Variants in MPC2 observed in about 807,000 individuals in gnomAD.
MPC2 encodes mitochondrial pyruvate carrier 2.
In MPC2, 19 loss-of-function variants were observed where a neutral mutation model predicts 19.2. That is an observed-to-expected ratio of 0.99 (90% CI 0.69 to 1.45). The LOEUF is 1.45. MPC2 is among the 40% of genes most tolerant of loss of function. The pLI is 0.00. For synonymous variants in MPC2, 61 were observed against 54.3 expected (o/e 1.12, Z -0.54); for missense variants, 122 against 153.0 (o/e 0.80, Z 1.07).
At position 167,917,959 on chromosome 1, in the gene MPC2, C is replaced by T; in HGVS notation, c.*364G>A. 2 of 165,484 alleles carry T rather than the reference C, an allele frequency of 1.2e-5. No individual in the cohort carries two copies. The allele number at this position is 165,484 out of a possible 1,614,324, so 10.3% of individuals were successfully genotyped here. ...TTTCCTTTCACTTATAGCTAGCTAC[C>T]TGACCATCCTACACTAAATAAGCAG... is the stretch of plus-strand genomic sequence containing the variant. On this transcript the variant is annotated 3_prime_UTR_variant, in exon 6 of 6. Coordinates refer to ENST00000271373, the MANE Select transcript of MPC2 (RefSeq NM_001143674.4).
chr1:167,929,575 T>C (rs1210537874), intron 2 of MPC2, among the ~76,000 whole-genome samples: 1 of 152,230 alleles, frequency 6.6e-6, no homozygotes, highest in Non-Finnish European at 1.5e-5. Context: ...ACAAATTTAG[T>C]TGCCTTGAAC....
chr1:167,921,056 T>A (rs1186523055), intron 3 of MPC2, among the ~76,000 whole-genome samples: 1 of 152,218 alleles, frequency 6.6e-6, no homozygotes, highest in Admixed American at 6.6e-5. Flanking sequence ...CTTCCTTTGA[T>A]GTTTTCTGCC....
intron 3 of MPC2, among the ~76,000 whole-genome samples, chr1:167,921,938 T>TTA (rs1670613974): frequency 6.6e-6 from 1 of 152,192 alleles, no homozygotes; most frequent in Non-Finnish European, 1.5e-5. Flanking sequence ...ACTTTGACCT[T>TTA]TATGATTAGT....
At chr1:167,921,906 G>A (rs1670613027) in intron 3 of MPC2, among the ~76,000 whole-genome samples, 1 of 152,028 alleles carries the variant, frequency 6.6e-6, no homozygotes. Flanking sequence ...AGGTACATAG[G>A]TTTTTGTTTT....
At chr1:167,931,460 TTA>T (rs954459482) in intron 2 of MPC2, among the ~76,000 whole-genome samples, 2 of 152,246 alleles carry the variant, frequency 1.3e-5, no homozygotes, top group Admixed American at 1.3e-4. Context: ...TCTATTTTAG[TTA>T]TCTCTTAACT....
rs1670487689 is a variant in MPC2 at position 167,917,595 on chromosome 1, C to G, written c.*728G>C. ...CCTGGGCCACAGAGCGAGACCCTGT[C>G]TCAAAAAAAAAAAAAAAAAAAAAGT... On this transcript the variant is annotated 3_prime_UTR_variant, in exon 6 of 6. Transcript: ENST00000271373. 9.5e-6 allele frequency: 1 copy of G among 105,606 alleles called. No individual in the cohort carries two copies. Among genetic ancestry groups the G allele is most frequent in the South Asian group, 2.9e-4 (1 of 3,404 alleles). 6.5% of individuals were successfully genotyped at this position (105,606 alleles called of 1,614,324 possible). A position where few individuals can be genotyped will look rare whatever the true frequency, so the allele number is the denominator to read the frequency against.
At chr1:167,931,328 T>A (rs1394052328) in intron 2 of MPC2, among the ~76,000 whole-genome samples, 7 of 152,220 alleles carry the variant, frequency 4.6e-5, no homozygotes. Context: ...CAGAACAGTG[T>A]CTAATATACA....
At chr1:167,933,346 T>C (rs1670967991) in intron 2 of MPC2, among the ~76,000 whole-genome samples, 1 of 152,102 alleles carries the variant, frequency 6.6e-6, no homozygotes, top group Non-Finnish European at 1.5e-5. Flanking sequence ...TTTTGTATTT[T>C]AGTAGAGATA....
intron 1 of MPC2, 110 bp from the exon 2 acceptor site, chr1:167,936,008 T>G (rs1027195140): frequency 1.6e-6 from 1 of 620,072 alleles, no homozygotes; most frequent in African/African-American, 1.8e-5. Context: ...ACCGAAAAGC[T>G]GCGGCCCGCG....
At chr1:167,933,703 A>G (rs1465001692) in intron 2 of MPC2, among the ~76,000 whole-genome samples, 1 of 152,254 alleles carries the variant, frequency 6.6e-6, no homozygotes, top group African/African-American at 2.4e-5. Context: ...TAAACTCTTA[A>G]GACAATAATC....
chr1:167,920,472 A>G (rs1670572471), intron 4 of MPC2, 75 bp downstream of exon 4: 1 of 1,464,460 alleles, frequency 6.8e-7, no homozygotes. Flanking sequence ...CTAAGCCACT[A>G]AATAAACTGA....
intron 2 of MPC2, among the ~76,000 whole-genome samples, chr1:167,925,538 T>C (rs1422304407): frequency 6.9e-6 from 1 of 144,922 alleles, no homozygotes; most frequent in Non-Finnish European, 1.5e-5. Context: ...TTTTTGGTTT[T>C]TTTTTTGGTT....
intron 2 of MPC2, among the ~76,000 whole-genome samples, chr1:167,932,558 C>T (rs1670939622): frequency 6.6e-6 from 1 of 151,886 alleles, no homozygotes; most frequent in Admixed American, 6.6e-5. Context: ...CCTGTAATCC[C>T]AGCACTTTGG....
chr1:167,935,726 C>T lies in MPC2; in HGVS notation c.109+7G>A, dbSNP rs1030949231. ...GTCTCGATAAGGAGCCATTCAGGGT[C>T]CATTACCTGCTGGATGGTTGTACAA... is the stretch of plus-strand genomic sequence containing the variant. On this transcript the variant is annotated splice_region_variant and intron_variant, in intron 2 of 5. Transcript: ENST00000271373. 9 of 1,555,770 alleles carry T rather than the reference C, an allele frequency of 5.8e-6. No homozygotes were observed. Among genetic ancestry groups the T allele is most frequent in the African/African-American group, 4.1e-5 (3 of 73,336 alleles).
At chr1:167,936,008 T>C (rs1027195140) in intron 1 of MPC2, 110 bp from the exon 2 acceptor site, 1 of 620,190 alleles carries the variant, frequency 1.6e-6, no homozygotes. Context: ...ACCGAAAAGC[T>C]GCGGCCCGCG....
chr1:167,936,833 G>T, intron 1 of MPC2, 106 bp downstream of exon 1: 2 of 1,279,554 alleles, frequency 1.6e-6, no homozygotes, highest in Non-Finnish European at 2.2e-6. Context: ...TGCGGCTCGG[G>T]TGTTGAAACG....
rs1255199644 is a variant in MPC2 at position 167,916,943 on chromosome 1, T to A, written c.*1380A>T. On this transcript the variant is annotated 3_prime_UTR_variant, in exon 6 of 6. Transcript: ENST00000271373. ...AAGCTCTCTAATCTTTTCTCCTCAA[T>A]GGTAGGCCATGGTTAAGGGACAGAT... The A allele has an allele frequency of 4.6e-5, 7 of 152,242 alleles. No individual in the cohort carries two copies. The highest frequency in any genetic ancestry group is 3.3e-4 in the Admixed American group (5 of 15,288). The allele number at this position is 152,242 out of a possible 1,614,324, so 9.4% of individuals were successfully genotyped here.
Position 167,917,304 on chromosome 1 carries a change from A to G in MPC2, c.*1019T>C, listed in dbSNP as rs1313898699. The G allele has an allele frequency of 6.6e-6, 1 of 152,240 alleles. No homozygotes were observed. Among genetic ancestry groups the G allele is most frequent in the Non-Finnish European group, 1.5e-5 (1 of 68,060 alleles). The allele number at this position is 152,240 out of a possible 1,614,324, so 9.4% of individuals were successfully genotyped here. A position where few individuals can be genotyped will look rare whatever the true frequency, so the allele number is the denominator to read the frequency against. On this transcript the variant is annotated 3_prime_UTR_variant, in exon 6 of 6. Coordinates refer to ENST00000271373, the MANE Select transcript of MPC2 (RefSeq NM_001143674.4). ...TGCTAGGTACTTTCCTAACTTGTCT[A>G]AAGTCACAGCATAGGCTGGGTATGG... is the stretch of plus-strand genomic sequence containing the variant.
In MPC2 at chr1:167,935,769, G is replaced by A; in HGVS notation, c.73C>T (p.Pro25Ser). 1 of 1,565,312 alleles carries A rather than the reference G, an allele frequency of 6.4e-7. No individual in the cohort carries two copies. Among genetic ancestry groups the A allele is most frequent in the East Asian group, 2.4e-5 (1 of 42,182 alleles). Residue 25 changes from proline (P) to serine (S), a missense_variant, in exon 2 of 6, where the codon CCC (proline) becomes TCC (serine). Transcript: ENST00000271373. ...RLLDKVELML[P>S]EKLRPLYNHP... is the part of the protein sequence containing the mutation. ...TTGTACAACGGCCTCAATTTCTCGGGCAGCATCAGCTCCACTTTATCGAGG... is the reference window on the plus strand; with the variant it reads ...TTGTACAACGGCCTCAATTTCTCGGACAGCATCAGCTCCACTTTATCGAGG...
Sources: allele counts gnomAD v4.1 joint callset (sites outside exome capture counted in the v4.1 genomes callset), GRCh38; gene constraint gnomAD v4.1.1; transcripts MANE v1.5; gene names NCBI Gene and HGNC (gene_info 2026-07-23, HGNC 2026-07-21).